The following SMC1A variants were observed in gnomAD, a reference collection of about 807,000 sequenced individuals.
SMC1A encodes the protein structural maintenance of chromosomes 1A.
A neutral mutation model predicts 94.5 loss-of-function variants in SMC1A; 4 were observed. That is an observed-to-expected ratio of 0.04 (90% CI 0.02 to 0.10). SMC1A has a LOEUF of 0.10. Ranked by LOEUF, SMC1A falls within the 10% of genes least tolerant of loss-of-function variation. The pLI, the probability that SMC1A is intolerant of heterozygous loss-of-function variation, is 1.00. For synonymous variants in SMC1A, 345 were observed against 347.7 expected (o/e 0.99, Z 0.09); for missense variants, 304 against 989.0 (o/e 0.31, Z 9.29).
intron 1 of SMC1A, chrX:53,422,038 G>A (rs782697920): frequency 1.7e-6 from 2 of 1,209,356 alleles, no homozygotes; most frequent in South Asian, 1.8e-5. Context: ...AGAGGACGCT[G>A]GGCTGAAACA....
At chrX:53,402,613 C>A (rs2075674472) in intron 15 of SMC1A, among the ~76,000 whole-genome samples, 1 of 105,087 alleles carries the variant, frequency 9.5e-6, no homozygotes, top group Non-Finnish European at 1.9e-5. Context: ...TCCTGTAATC[C>A]CAGCACTTTG....
rs2075558000 is a variant in SMC1A at position 53,375,830 on chromosome X, T to C, written c.*4273A>G. 8.9e-6 allele frequency: 1 copy of C among 112,014 alleles called. No individual in the cohort carries two copies. Among genetic ancestry groups the C allele is most frequent in the Non-Finnish European group, 1.9e-5 (1 of 53,159 alleles). 9.2% of individuals were successfully genotyped at this position (112,014 alleles called of 1,213,427 possible). ...GTCACCCTCCACATCCAATAATCAG[T>C]CATTAAGTTATCATCTTACCTTAAC... On this transcript the variant is annotated 3_prime_UTR_variant, in exon 25 of 25. Transcript: ENST00000322213.
intron 24 of SMC1A, 46 bp from the exon 25 acceptor site, chrX:53,380,232 A>C: frequency 2.0e-6 from 2 of 978,093 alleles, no homozygotes; most frequent in Non-Finnish European, 2.9e-6. Context: ...TAAGGAGAGA[A>C]TTAAGAGGGG....
intron 3 of SMC1A, among the ~76,000 whole-genome samples, chrX:53,414,146 A>G (rs2075723775): frequency 9.0e-6 from 1 of 111,467 alleles, no homozygotes; most frequent in African/African-American, 3.3e-5. Flanking sequence ...TATTCTATGA[A>G]GAGGAAAAGT....
intron 3 of SMC1A, 128 bp from the exon 4 acceptor site, chrX:53,413,563 A>G (rs2075721379): frequency 1.6e-6 from 1 of 611,447 alleles, no homozygotes; most frequent in African/African-American, 2.2e-5. Context: ...CACATTTCAC[A>G]CTGGGCTTTG....
At chrX:53,401,749 TA>T (rs1279532221) in intron 15 of SMC1A, among the ~76,000 whole-genome samples, 1 of 110,644 alleles carries the variant, frequency 9.0e-6, no homozygotes, top group African/African-American at 3.3e-5. Context: ...TATACACATA[TA>T]TTTTTTTCAC....
At chrX:53,402,669 TC>T (rs1324526940) in intron 15 of SMC1A, among the ~76,000 whole-genome samples, 1 of 100,924 alleles carries the variant, frequency 9.9e-6, no homozygotes, top group African/African-American at 3.7e-5. Flanking sequence ...TCGAGATCAG[TC>T]TGGCCAGCAT....
intron 13 of SMC1A, 90 bp from the exon 14 acceptor site, chrX:53,403,983 C>T: frequency 1.6e-6 from 1 of 640,287 alleles, no homozygotes. Context: ...TCAGGAAGGG[C>T]TAGCTCTCCA....
At chrX:53,387,181 G>A (rs900249656) in intron 19 of SMC1A, among the ~76,000 whole-genome samples, 1 of 111,366 alleles carries the variant, frequency 9.0e-6, no homozygotes, top group Non-Finnish European at 1.9e-5. Context: ...ATTCTTAGTA[G>A]AGATGGCGTT....
At chrX:53,390,973 CAAAAAAAAAAAAAA>C (rs782771730) in intron 19 of SMC1A, among the ~76,000 whole-genome samples, 9 of 34,321 alleles carry the variant, frequency 2.6e-4, no homozygotes, top group African/African-American at 9.9e-4. Flanking sequence ...GACTCCGTCT[CAAAAAAAAAAAAAA>C]AAAAAAAAAA....
chrX:53,389,282 A>G lies in SMC1A; in HGVS notation c.2973+5496T>C, dbSNP rs1308744318. On this transcript the variant is annotated intron_variant, in intron 19 of 24. Transcript: ENST00000322213. ...ATAAAAACAGGTGGAGGGGGATCCT[A>G]TAAGTTAAATGAGATTCAAGTGACA... Among the ~76,000 whole-genome samples the G allele has an allele frequency of 2.7e-5, 3 of 110,850 alleles. No homozygotes were observed. In the East Asian group the frequency reaches 8.5e-4, roughly 31 times the overall value.
intron 1 of SMC1A, among the ~76,000 whole-genome samples, chrX:53,418,679 C>T (rs1371021890): frequency 8.9e-6 from 1 of 112,395 alleles, no homozygotes; most frequent in Non-Finnish European, 1.9e-5. Context: ...AGAGATCCTC[C>T]ACCTTGGACT....
At chrX:53,421,982 C>A (rs1029025978) in intron 1 of SMC1A, 124 of 1,209,784 alleles carry the variant, frequency 1.0e-4, no homozygotes, top group Non-Finnish European at 1.4e-4. Context: ...AGTGCCGCCT[C>A]CAGAGAAGAG....
At chrX:53,412,345 A>T (rs1394904511) in intron 5 of SMC1A, 92 bp from the exon 6 acceptor site, 3 of 930,435 alleles carry the variant, frequency 3.2e-6, no homozygotes, top group Non-Finnish European at 4.6e-6. Context: ...TGAGCCCCTG[A>T]GCCAACCTCA....
At chrX:53,421,433 C>T (rs2075755170) in intron 1 of SMC1A, among the ~76,000 whole-genome samples, 1 of 112,299 alleles carries the variant, frequency 8.9e-6, no homozygotes, top group African/African-American at 3.2e-5. Context: ...GAAAGGTACT[C>T]AGTATGTGCT....
At chrX:53,394,242 G>C (rs1602404414) in intron 19 of SMC1A, among the ~76,000 whole-genome samples, 1 of 110,417 alleles carries the variant, frequency 9.1e-6, no homozygotes, top group African/African-American at 3.3e-5. Flanking sequence ...AAGTGAAAGA[G>C]GGAGAAGTCA....
At chrX:53,406,287 T>C (rs1556889698) in intron 9 of SMC1A, among the ~76,000 whole-genome samples, 1 of 111,563 alleles carries the variant, frequency 9.0e-6, no homozygotes, top group African/African-American at 3.3e-5. Flanking sequence ...TGAATGAGAC[T>C]GTATGGACTG....
chrX:53,409,910 T>A (rs1296745075), intron 7 of SMC1A, among the ~76,000 whole-genome samples: 2 of 112,436 alleles, frequency 1.8e-5, no homozygotes, highest in South Asian at 3.7e-4. Context: ...ACATTATTTT[T>A]AAAAAATTTT....
intron 1 of SMC1A, among the ~76,000 whole-genome samples, chrX:53,420,061 G>A (rs1194585057): frequency 1.8e-5 from 2 of 111,290 alleles, no homozygotes; most frequent in Non-Finnish European, 3.8e-5. Context: ...CACAATTCAC[G>A]GGTCTAAAAA....
Sources: allele counts gnomAD v4.1 joint callset (sites outside exome capture counted in the v4.1 genomes callset), GRCh38; gene constraint gnomAD v4.1.1; transcripts MANE v1.5; gene names NCBI Gene and HGNC (gene_info 2026-07-23, HGNC 2026-07-21).